CPXM2: variants seen among roughly 807,000 people sequenced by gnomAD.
The protein encoded by CPXM2 is inactive carboxypeptidase-like protein X2.
Under a neutral mutation model 86.1 loss-of-function variants are expected in CPXM2, and 66 were observed. The observed-to-expected ratio is 0.77, with a 90% CI of 0.63 to 0.94. CPXM2 has a LOEUF of 0.94. Ranked by LOEUF, CPXM2 falls within the 40% of genes least tolerant of loss-of-function variation. The pLI is 0.00. For synonymous variants in CPXM2, 388 were observed against 400.2 expected (o/e 0.97, Z 0.36); for missense variants, 948 against 1,026.3 (o/e 0.92, Z 1.04).
intron 2 of CPXM2, among the ~76,000 whole-genome samples, chr10:123,918,403 A>G (rs1042348391): frequency 6.6e-5 from 10 of 152,232 alleles, no homozygotes; most frequent in African/African-American, 2.4e-4. Context: ...ACTATATAAA[A>G]TAACTATCAG....
At chr10:123,813,609 T>A (rs1847742285) in intron 4 of CPXM2, among the ~76,000 whole-genome samples, 1 of 152,204 alleles carries the variant, frequency 6.6e-6, no homozygotes, top group Non-Finnish European at 1.5e-5. Context: ...TAATCTCCCT[T>A]TCTCAAAACA....
At chr10:123,867,815 G>C (rs28366444) in intron 2 of CPXM2, among the ~76,000 whole-genome samples, 1 of 151,984 alleles carries the variant, frequency 6.6e-6, no homozygotes, top group Admixed American at 6.5e-5. Context: ...TTACAGGCAT[G>C]AGCCACTGCG....
intron 3 of CPXM2, among the ~76,000 whole-genome samples, chr10:123,852,736 T>C (rs72827470): frequency 3.3e-5 from 5 of 152,234 alleles, no homozygotes; most frequent in Non-Finnish European, 7.4e-5. Context: ...ATGCTATACC[T>C]GACCTTTGCT....
chr10:123,768,387 ATAAAT>A, intron 9 of CPXM2, 134 bp downstream of exon 9: 6 of 149,014 alleles, frequency 4.0e-5, no homozygotes, highest in Non-Finnish European at 6.7e-5. Context: ...AAATAAATAA[ATAAAT>A]AAATAAATAA....
intron 2 of CPXM2, among the ~76,000 whole-genome samples, chr10:123,937,529 T>C (rs1564826875): frequency 7.1e-6 from 1 of 141,680 alleles, no homozygotes. Context: ...ACTAGAATTC[T>C]GGAGTTATGG....
At chr10:123,910,172 C>T (rs1473400475) in intron 2 of CPXM2, among the ~76,000 whole-genome samples, 1 of 152,196 alleles carries the variant, frequency 6.6e-6, no homozygotes, top group Non-Finnish European at 1.5e-5. Context: ...CATTCGCGCC[C>T]CTGCACACCT....
chr10:123,751,093 T>C (rs562094873), intron 13 of CPXM2: 2 of 981,830 alleles, frequency 2.0e-6, no homozygotes, highest in East Asian at 1.1e-4. Context: ...TCCCGCAGAC[T>C]CTGGCCAAGA....
intron 2 of CPXM2, among the ~76,000 whole-genome samples, chr10:123,904,807 C>T (rs1205820780): frequency 8.6e-6 from 1 of 116,928 alleles, no homozygotes; most frequent in East Asian, 2.3e-4. Flanking sequence ...TCTGCCAGCA[C>T]CCATCTACCA....
At chr10:123,839,326 T>G (rs910946275) in intron 4 of CPXM2, among the ~76,000 whole-genome samples, 1 of 152,178 alleles carries the variant, frequency 6.6e-6, no homozygotes, top group Non-Finnish European at 1.5e-5. Flanking sequence ...CCCAAACCCC[T>G]CCACATTCCC....
intron 3 of CPXM2, among the ~76,000 whole-genome samples, chr10:123,847,210 A>C (rs1303898652): frequency 6.6e-6 from 1 of 152,226 alleles, no homozygotes; most frequent in African/African-American, 2.4e-5. Context: ...ATACAGATCA[A>C]TATGTGCATA....
At chr10:123,943,423 A>G (rs1031328731), upstream of CPXM2, among the ~76,000 whole-genome samples, 1 of 152,210 alleles carries the variant, frequency 6.6e-6, no homozygotes, top group Non-Finnish European at 1.5e-5. Flanking sequence ...TCAGAATTCA[A>G]TGCCTCAGGG....
chr10:123,885,769 TC>T lies in CPXM2; in HGVS notation c.305-5461del, dbSNP rs1945169859. 6.6e-6 allele frequency among the ~76,000 whole-genome samples: 1 copy of T among 152,146 alleles called. No individual in the cohort carries two copies. The highest frequency in any genetic ancestry group is 6.5e-5 in the Admixed American group (1 of 15,280). ...CTGAATGCTCAGGCTCCCTGGACCC[TC>T]AGGGACATCCAGAGAAAACCTCCAC... On this transcript the variant is annotated intron_variant, in intron 1 of 13. Coordinates refer to ENST00000241305, the MANE Select transcript of CPXM2 (RefSeq NM_198148.3). The surrounding 1 kb of genome is among the most constrained non-coding windows in gnomAD (Gnocchi z 4.0).
At chr10:123,782,881 G>C (rs1254999424) in intron 6 of CPXM2, among the ~76,000 whole-genome samples, 1 of 152,192 alleles carries the variant, frequency 6.6e-6, no homozygotes, top group Non-Finnish European at 1.5e-5. Context: ...AGGTCATAAA[G>C]ACCTTGCTTA....
chr10:123,888,298 G>T (rs886690265), intron 1 of CPXM2, among the ~76,000 whole-genome samples: 14 of 152,296 alleles, frequency 9.2e-5, no homozygotes, highest in African/African-American at 3.4e-4. Flanking sequence ...CATCTGCAAA[G>T]ATAAAGTACA....
chr10:123,751,918 A>G, intron 13 of CPXM2: 1 of 985,354 alleles, frequency 1.0e-6, no homozygotes, highest in South Asian at 4.7e-5. Context: ...AAACTGTCTC[A>G]TTGATTGCAG....
chr10:123,779,015 T>C (rs939174882), intron 7 of CPXM2, among the ~76,000 whole-genome samples: 3 of 152,228 alleles, frequency 2.0e-5, no homozygotes, highest in African/African-American at 7.2e-5. Context: ...TTCCATGGGA[T>C]TGGAGCTCCG....
rs1277663145 is a variant in CPXM2 at position 123,859,319 on chromosome 10, G to A, written c.513+3295C>T. ...GGGAGATGTATTTTTGGCACACACTGACTTTAATTATGCACCTGTGACAGT... is the reference window on the plus strand; with the variant it reads ...GGGAGATGTATTTTTGGCACACACTAACTTTAATTATGCACCTGTGACAGT... On this transcript the variant is annotated intron_variant, in intron 3 of 13. Transcript: ENST00000241305. 2.0e-5 allele frequency among the ~76,000 whole-genome samples: 3 copies of A among 152,240 alleles called. No homozygotes were observed. The East Asian group carries it at 5.8e-4, about 29-fold the overall frequency.
chr10:123,942,325 G>T (rs764237704), upstream of CPXM2, among the ~76,000 whole-genome samples: 1 of 152,126 alleles, frequency 6.6e-6, no homozygotes, highest in Non-Finnish European at 1.5e-5. Flanking sequence ...TTCCCAGGAG[G>T]TTAGGCATTC....
At chr10:123,932,840 A>G (rs912462066) in intron 2 of CPXM2, among the ~76,000 whole-genome samples, 1 of 152,164 alleles carries the variant, frequency 6.6e-6, no homozygotes, top group African/African-American at 2.4e-5. Flanking sequence ...TGCAAAGGAG[A>G]GAAAGGGGAA....
Sources: gnomAD v4.1 joint callset for allele counts (sites outside exome capture counted in the v4.1 genomes callset) on GRCh38, gnomAD v4.1.1 for gene constraint, Gnocchi (gnomAD v3.1) non-coding constraint, MANE v1.5 for transcripts, NCBI Gene and HGNC (gene_info 2026-07-23, HGNC 2026-07-21) for gene names.